Variants in RBFOX1 observed in about 807,000 individuals in gnomAD.
The protein encoded by RBFOX1 is RNA binding fox-1 homolog 1, also known as RNA binding protein fox-1 homolog 1.
RBFOX1 carries 8 observed loss-of-function variants against 57.7 expected under a neutral mutation model. The observed-to-expected ratio is 0.14, with a 90% CI of 0.08 to 0.25. RBFOX1 has a LOEUF of 0.25. Ranked by LOEUF, RBFOX1 falls within the 10% of genes least tolerant of loss-of-function variation. The pLI, the probability that RBFOX1 is intolerant of heterozygous loss-of-function variation, is 1.00. For missense variants in RBFOX1, 611 were observed against 548.5 expected (o/e 1.11, Z -1.14); for synonymous variants, 326 against 222.4 (o/e 1.47, Z -4.15).
intron 1 of RBFOX1, among the ~76,000 whole-genome samples, chr16:5,456,022 G>A (rs1217296088): frequency 6.6e-6 from 1 of 151,042 alleles, no homozygotes; most frequent in Non-Finnish European, 1.5e-5. Flanking sequence ...AGTAATATGT[G>A]TGCAATGTGA....
At chr16:7,706,571 C>T (rs957058906) in intron 14 of RBFOX1, among the ~76,000 whole-genome samples, 1 of 152,124 alleles carries the variant, frequency 6.6e-6, no homozygotes, top group African/African-American at 2.4e-5. Context: ...AACCATTTCC[C>T]CAATTTTTAA....
intron 3 of RBFOX1, among the ~76,000 whole-genome samples, chr16:6,676,803 G>C (rs1354124858): frequency 2.7e-5 from 4 of 150,588 alleles, no homozygotes; most frequent in African/African-American, 9.8e-5. Context: ...AGCCTCCCTA[G>C]TAGCTGGGAT....
rs140903537 is a variant in RBFOX1 at position 7,691,624 on chromosome 16, A to C, written c.995+14786A>C. ...GTTTCTTAGAGGGCTGTTTCTATTC[A>C]TACTTGTAGGTTGCATTTTAAAAGT... On this transcript the variant is annotated intron_variant, in intron 14 of 15. Coordinates refer to ENST00000550418, the MANE Select transcript of RBFOX1 (RefSeq NM_018723.4). Among the ~76,000 whole-genome samples, 1,308 of 152,262 alleles carry C rather than the reference A, an allele frequency of 8.6e-3. 9 individuals are homozygous for C. The highest frequency in any genetic ancestry group is 0.028 in the African/African-American group (1,145 of 41,566).
chr16:6,322,485 T>A (rs1033744002), intron 2 of RBFOX1, among the ~76,000 whole-genome samples: 7 of 152,214 alleles, frequency 4.6e-5, no homozygotes, highest in African/African-American at 1.7e-4. Context: ...TCTATGTAGA[T>A]CTCTGTTAAG....
chr16:5,445,213 G>A (rs1249155900), intron 1 of RBFOX1, among the ~76,000 whole-genome samples: 3 of 152,176 alleles, frequency 2.0e-5, no homozygotes, highest in African/African-American at 7.2e-5. Context: ...TGAGGGACGT[G>A]GGAGTAGGGG....
chr16:5,971,833 G>A (rs1176308815), intron 4 of RBFOX1, among the ~76,000 whole-genome samples: 1 of 152,202 alleles, frequency 6.6e-6, no homozygotes, highest in Non-Finnish European at 1.5e-5. Flanking sequence ...GCTTCTATGA[G>A]GGTGTTTTGG....
intron 2 of RBFOX1, among the ~76,000 whole-genome samples, chr16:5,501,209 T>G (rs2043182439): frequency 6.9e-6 from 1 of 144,162 alleles, no homozygotes; most frequent in African/African-American, 2.6e-5. Context: ...TCCCAGCTAC[T>G]AGGGTGGCCG....
intron 2 of RBFOX1, among the ~76,000 whole-genome samples, chr16:5,598,707 T>C (rs1434868617): frequency 6.6e-6 from 1 of 152,318 alleles, no homozygotes; most frequent in East Asian, 1.9e-4. Context: ...TTTGTAGCCA[T>C]ATCGGGCTTG....
chr16:6,765,782 C>A (rs541954603), intron 3 of RBFOX1, among the ~76,000 whole-genome samples: 1 of 152,136 alleles, frequency 6.6e-6, no homozygotes, highest in Non-Finnish European at 1.5e-5. Context: ...GGTATATTCA[C>A]CTTGAAATAC....
At chr16:7,452,864 C>T (rs577480721) in intron 4 of RBFOX1, among the ~76,000 whole-genome samples, 3 of 152,278 alleles carry the variant, frequency 2.0e-5, no homozygotes, top group Admixed American at 6.5e-5. Context: ...CACAGTGGCT[C>T]ATGCCCAGAA....
chr16:7,255,613 A>G (rs2094645837), intron 4 of RBFOX1, among the ~76,000 whole-genome samples: 1 of 152,220 alleles, frequency 6.6e-6, no homozygotes, highest in African/African-American at 2.4e-5. Context: ...ATCCCTAAGC[A>G]AGGTCTGGAC....
intron 2 of RBFOX1, among the ~76,000 whole-genome samples, chr16:6,511,514 A>C (rs1016233948): frequency 1.3e-5 from 2 of 152,214 alleles, no homozygotes; most frequent in Non-Finnish European, 2.9e-5. Context: ...ATGTCTGCAG[A>C]GACAAGGAGC....
Position 6,590,491 on chromosome 16 carries a change from G to C in RBFOX1, c.-63-64112G>C, listed in dbSNP as rs2097695047. On this transcript the variant is annotated intron_variant, in intron 2 of 15. Transcript: ENST00000550418. ...CTGTATTTGATGTACCTGGTTCAGA[G>C]ACAATTGTCCTTTATAGCTTTCGGG... Among the ~76,000 whole-genome samples, 2 of 152,172 alleles carry C rather than the reference G, an allele frequency of 1.3e-5. 1 individual carries two copies. Among genetic ancestry groups the C allele is most frequent in the Admixed American group, 1.3e-4 (2 of 15,276 alleles).
intron 2 of RBFOX1, among the ~76,000 whole-genome samples, chr16:6,450,271 C>T (rs977779958): frequency 2.6e-5 from 4 of 152,154 alleles, no homozygotes; most frequent in Non-Finnish European, 4.4e-5. Context: ...ATAGCTCCCA[C>T]ATCACGAGTT....
intron 2 of RBFOX1, among the ~76,000 whole-genome samples, chr16:6,445,358 G>C (rs1236238654): frequency 3.9e-5 from 6 of 151,984 alleles, no homozygotes; most frequent in Non-Finnish European, 7.4e-5. Context: ...AATATCACAG[G>C]GAGACATCTG....
chr16:6,274,368 C>T (rs148388944), intron 1 of RBFOX1, among the ~76,000 whole-genome samples: 48 of 152,222 alleles, frequency 3.2e-4, no homozygotes, highest in African/African-American at 1.1e-3. Context: ...AACCCAGTAA[C>T]AAAAAGGAGT....
rs570097926 is a variant in RBFOX1, at chr16:6,616,182, T to C, written c.-63-38421T>C. On this transcript the variant is annotated intron_variant, in intron 2 of 15. Transcript: ENST00000550418. ...TTCATCATTGTATGTGTATTTAACT[T>C]TTCTGTTCTTTGGTAACTGGATAAA... Among the ~76,000 whole-genome samples the C allele has an allele frequency of 5.3e-5, 8 of 152,314 alleles. 1 individual carries two copies. The highest frequency in any genetic ancestry group is 1.9e-4 in the African/African-American group (8 of 41,566).
At chr16:7,115,827 G>T (rs1163575264) in intron 4 of RBFOX1, among the ~76,000 whole-genome samples, 1 of 152,182 alleles carries the variant, frequency 6.6e-6, no homozygotes, top group East Asian at 1.9e-4. Context: ...GATCACTGGG[G>T]ACCATGTTAC....
chr16:7,357,371 A>G (rs1050950478), intron 4 of RBFOX1, among the ~76,000 whole-genome samples: 4 of 152,216 alleles, frequency 2.6e-5, no homozygotes, highest in Admixed American at 1.3e-4. Flanking sequence ...AAAGATTCCA[A>G]TGAATCAGAA....
Sources: allele counts gnomAD v4.1 joint callset (sites outside exome capture counted in the v4.1 genomes callset), GRCh38; gene constraint gnomAD v4.1.1; transcripts MANE v1.5; gene names NCBI Gene and HGNC (gene_info 2026-07-23, HGNC 2026-07-21).